Variants in ZNF701 observed in about 807,000 individuals in gnomAD.
ZNF701 encodes the protein zinc finger protein 701.
ZNF701 carries 6 observed loss-of-function variants against 7.1 expected under a neutral mutation model. The observed-to-expected ratio is 0.84, with a 90% CI of 0.46 to 1.66. The LOEUF (loss-of-function observed/expected upper bound fraction) is 1.66. Ranked by LOEUF, ZNF701 falls within the 40% of genes most tolerant of loss-of-function variation. The probability of loss-of-function intolerance (pLI) is 0.01; values close to 1 mark genes in which losing one functional copy is unlikely to be tolerated. For synonymous variants in ZNF701, 166 were observed against 188.2 expected (o/e 0.88, Z 0.97); for missense variants, 541 against 559.2 (o/e 0.97, Z 0.33).
At chr19:52,581,142 T>A (rs550198643) in intron 3 of ZNF701, among the ~76,000 whole-genome samples, 2 of 152,118 alleles carry the variant, frequency 1.3e-5, no homozygotes, top group South Asian at 2.1e-4. Flanking sequence ...AAATACAAAA[T>A]TTTTAAAAAA....
chr19:52,586,904 T>C lies in ZNF701; in HGVS notation c.*3447T>C, dbSNP rs10402786. On this transcript the variant is annotated 3_prime_UTR_variant, in exon 4 of 4. Transcript: ENST00000391785. ...AATCACCTTGAACCTTATCATCTCA[T>C]GGCTTTGACCCACCTACATGGCTCC... is the stretch of plus-strand genomic sequence containing the variant. The C allele has an allele frequency of 0.71, 107,992 of 152,042 alleles. 38,800 individuals are homozygous for C. Among genetic ancestry groups the C allele is most frequent in the East Asian group, 0.85 (4,368 of 5,154 alleles). The allele number at this position is 152,042 out of a possible 1,614,324, so 9.4% of individuals were successfully genotyped here.
the ZNF701 span, among the ~76,000 whole-genome samples, chr19:52,595,370 C>T: frequency 3.3e-5 from 5 of 151,686 alleles, no homozygotes; most frequent in South Asian, 2.1e-4. Flanking sequence ...CCAGGGTTCA[C>T]GCCATTCTCC....
chr19:52,591,773 C>T (rs1042666209), downstream of ZNF701, among the ~76,000 whole-genome samples: 2 of 152,144 alleles, frequency 1.3e-5, no homozygotes, highest in African/African-American at 2.4e-5. Context: ...CCTGGATGGT[C>T]TCAAACTCCT....
chr19:52,575,542 C>G lies in ZNF701; in HGVS notation c.16-353C>G, dbSNP rs963368547. Among the ~76,000 whole-genome samples, 13 of 149,996 alleles carry G rather than the reference C, an allele frequency of 8.7e-5. 2 individuals are homozygous for G. The highest frequency in any genetic ancestry group is 3.2e-4 in the African/African-American group (13 of 40,718). ...TTGAGAGAGAGTCTTGCTTTGTTGC[C>G]CAGGCTAGAATGCCTTGGTGCAATC... On this transcript the variant is annotated intron_variant, in intron 2 of 3. Transcript: ENST00000391785.
rs1288759716 is a variant in ZNF701, at chr19:52,585,624, AGCACCCCACAG to A, written c.*2169_*2179del. On this transcript the variant is annotated 3_prime_UTR_variant, in exon 4 of 4. Coordinates refer to ENST00000391785, the MANE Select transcript of ZNF701 (RefSeq NM_018260.3). ...AAGCAGAAATTTACTCAACCAAGAA[AGCACCCCACAG>A]GGTGGGGGTGGGCCCAAGCGAGCGT... The A allele has an allele frequency of 3.3e-5, 5 of 152,028 alleles. No individual in the cohort carries two copies. The highest frequency in any genetic ancestry group is 2.6e-4 in the Admixed American group (4 of 15,278). 9.4% of individuals were successfully genotyped at this position (152,028 alleles called of 1,614,324 possible).
chr19:52,600,097 A>C, the ZNF701 span, among the ~76,000 whole-genome samples: 1 of 152,164 alleles, frequency 6.6e-6, no homozygotes, highest in Non-Finnish European at 1.5e-5. Context: ...TCTATTTCCC[A>C]TCACATTCTG....
At chr19:52,571,103 GA>G (rs35595336) in intron 1 of ZNF701, among the ~76,000 whole-genome samples, 1 of 147,800 alleles carries the variant, frequency 6.8e-6, no homozygotes, top group Non-Finnish European at 1.5e-5. Flanking sequence ...CAGCAAAAGT[GA>G]AAAAAAAAAG....
rs148394485 is a variant in ZNF701, at chr19:52,582,958, G to A, written c.899G>A (p.Cys300Tyr). ...CATACTGGAGAGAAACCTTACAAGT[G>A]TAATGAATGTGGCAAGGTTTTTAAT... ...AIHTGEKPYK[C>Y]NECGKVFNQQ... The change falls in exon 4 of 4, where the codon TGT becomes TAT. Residue 300 changes from cysteine to tyrosine, a missense_variant. Cys to Tyr is a radical substitution (Grantham distance 194, BLOSUM62 -2). Coordinates refer to ENST00000391785, the MANE Select transcript of ZNF701 (RefSeq NM_018260.3). 124 of 1,613,994 alleles carry A rather than the reference G, an allele frequency of 7.7e-5. No homozygotes were observed. Among genetic ancestry groups the A allele is most frequent in the Non-Finnish European group, 1.0e-4 (122 of 1,180,006 alleles).
At chr19:52,578,028 G>A (rs1383102112) in intron 3 of ZNF701, among the ~76,000 whole-genome samples, 4 of 152,004 alleles carry the variant, frequency 2.6e-5, no homozygotes, top group African/African-American at 4.8e-5. Context: ...TCCAAGGCGG[G>A]CAGATCAAGA....
downstream of ZNF701, chr19:52,588,484 C>CAA (rs376707736): frequency 1.6e-3 from 254 of 156,732 alleles, no homozygotes; most frequent in South Asian, 4.0e-3. Context: ...GACACCATCT[C>CAA]AAAAAAAAAA....
At chr19:52,593,569 C>T in the ZNF701 span, among the ~76,000 whole-genome samples, 1 of 113,718 alleles carries the variant, frequency 8.8e-6, no homozygotes, top group East Asian at 2.3e-4. Flanking sequence ...GACGAGGTGG[C>T]TGCCGGGAGG....
At position 52,583,345 on chromosome 19, in the gene ZNF701, G is replaced by A. The variant is rs3745102; in HGVS notation, c.1286G>A (p.Arg429His). Residue 429 changes from arginine to histidine, a missense_variant, in exon 4 of 4, where the codon CGT becomes CAT. Transcript: ENST00000391785. ...FNHKSNLACH[R>H]RLHTGEKPYK... is the part of the protein sequence containing the mutation. ...CACAAATCAAACCTTGCATGTCATC[G>A]TAGACTTCATACTGGAGAGAAACCT... is the stretch of plus-strand genomic sequence containing the variant. 601,269 of 1,610,206 alleles carry A rather than the reference G, an allele frequency of 0.37. 117,232 individuals carry two copies. The highest frequency in any genetic ancestry group is 0.43 in the South Asian group (38,922 of 90,782).
chr19:52,583,674 C>T lies in ZNF701; in HGVS notation c.*217C>T. On this transcript the variant is annotated 3_prime_UTR_variant, in exon 4 of 4. Coordinates refer to ENST00000391785, the MANE Select transcript of ZNF701 (RefSeq NM_018260.3). ...CGGGTGTGATTCACACCTGGCCCAA[C>T]ATACTGGAATTCACACTGGAAAGGA... 3 of 970,926 alleles carry T rather than the reference C, an allele frequency of 3.1e-6. No individual in the cohort carries two copies. The Admixed American group carries it at 5.3e-5, about 17-fold the overall frequency. 60.1% of individuals were successfully genotyped at this position (970,926 alleles called of 1,614,324 possible). A position where few individuals can be genotyped will look rare whatever the true frequency, so the allele number is the denominator to read the frequency against.
the ZNF701 span, chr19:52,598,049 A>G: frequency 6.6e-6 from 1 of 152,316 alleles, no homozygotes; most frequent in Admixed American, 6.5e-5. Context: ...GGTTCATGCC[A>G]TTCTCCTGCC....
intron 3 of ZNF701, among the ~76,000 whole-genome samples, chr19:52,577,607 G>A (rs2059943449): frequency 6.6e-6 from 1 of 151,918 alleles, no homozygotes; most frequent in Non-Finnish European, 1.5e-5. Context: ...TGACCTAGAA[G>A]GCAAGAGGTG....
the ZNF701 span, chr19:52,592,202 A>G: frequency 6.3e-7 from 1 of 1,576,440 alleles, no homozygotes. Context: ...GTGATGTTGG[A>G]GAACTACAGG....
At position 52,584,474 on chromosome 19, in the gene ZNF701, C is replaced by G. The variant is rs560138678; in HGVS notation, c.*1017C>G. The G allele has an allele frequency of 6.5e-6, 1 of 152,974 alleles. No homozygotes were observed. Among genetic ancestry groups the G allele is most frequent in the East Asian group, 1.9e-4 (1 of 5,192 alleles). 9.5% of individuals were successfully genotyped at this position (152,974 alleles called of 1,614,324 possible). A position where few individuals can be genotyped will look rare whatever the true frequency, so the allele number is the denominator to read the frequency against. ...ACTTTTCCCAGCCTGCTTTTTGTTT[C>G]TTTAACAAAAACCAATAGGGGTTTT... On this transcript the variant is annotated 3_prime_UTR_variant, in exon 4 of 4. Coordinates refer to ENST00000391785, the MANE Select transcript of ZNF701 (RefSeq NM_018260.3).
downstream of ZNF701, chr19:52,588,466 CAG>C (rs1032340646): frequency 5.8e-6 from 1 of 172,788 alleles, no homozygotes; most frequent in Admixed American, 6.6e-5. Context: ...ATTCTTGTGA[CAG>C]AGCTAGACAC....
chr19:52,572,861 CA>C (rs909009048), intron 1 of ZNF701, among the ~76,000 whole-genome samples: 7 of 152,138 alleles, frequency 4.6e-5, no homozygotes, highest in African/African-American at 1.7e-4. Flanking sequence ...TCTCTTTTCC[CA>C]AACATCAAAA....
Sources: gnomAD v4.1 joint callset for allele counts (sites outside exome capture counted in the v4.1 genomes callset) on GRCh38, gnomAD v4.1.1 for gene constraint, MANE v1.5 for transcripts, NCBI Gene and HGNC (gene_info 2026-07-23, HGNC 2026-07-21) for gene names.